The following TYR variants were observed in gnomAD, a reference collection of about 807,000 sequenced individuals.
TYR encodes LB24-AB.
In TYR, 58 loss-of-function variants were observed where a neutral mutation model predicts 51.5. The ratio of observed to expected loss-of-function variants is 1.13; its 90% CI spans 0.91 to 1.40. The LOEUF (loss-of-function observed/expected upper bound fraction) is 1.40. Ranked by LOEUF, TYR falls within the 40% of genes most tolerant of loss-of-function variation. The pLI is 0.00. For missense variants in TYR, 732 were observed against 647.4 expected, an observed-to-expected ratio of 1.13 and a Z score of -1.42; for synonymous variants, 263 against 235.2, an observed-to-expected ratio of 1.12 and a Z score of -1.08.
intron 3 of TYR, among the ~76,000 whole-genome samples, chr11:89,281,160 G>T (rs1208716894): frequency 6.6e-6 from 1 of 151,602 alleles, no homozygotes; most frequent in African/African-American, 2.4e-5. Context: ...CCTGGTTGCA[G>T]TATTTCTATT....
chr11:89,205,840 A>G (rs12280693), intron 2 of TYR, among the ~76,000 whole-genome samples: 76,275 of 151,998 alleles, frequency 0.5, 21,845 homozygotes, highest in African/African-American at 0.8. Flanking sequence ...CTAAATTGTG[A>G]TTTAATGGTT....
intron 3 of TYR, among the ~76,000 whole-genome samples, chr11:89,270,068 G>T (rs950578493): frequency 6.6e-6 from 1 of 151,876 alleles, no homozygotes; most frequent in African/African-American, 2.4e-5. Flanking sequence ...GCTCCTCACA[G>T]CTTTTAAACT....
intron 2 of TYR, among the ~76,000 whole-genome samples, chr11:89,219,582 C>T (rs565315240): frequency 6.6e-6 from 1 of 152,196 alleles, no homozygotes; most frequent in East Asian, 1.9e-4. Flanking sequence ...ACCCACTGTG[C>T]CCGGCCTGAT....
chr11:89,181,892 G>A (rs576978301), intron 1 of TYR, among the ~76,000 whole-genome samples: 3 of 152,256 alleles, frequency 2.0e-5, no homozygotes, highest in African/African-American at 7.2e-5. Context: ...GCTAATTTCT[G>A]GGTGTATAAT....
intron 2 of TYR, among the ~76,000 whole-genome samples, chr11:89,210,073 C>G (rs1167198771): frequency 1.3e-5 from 2 of 152,156 alleles, no homozygotes; most frequent in Non-Finnish European, 2.9e-5. Flanking sequence ...TCCAAAGGAA[C>G]ACAGCTCCTC....
chr11:89,267,447 G>A (rs181058308), intron 3 of TYR, among the ~76,000 whole-genome samples: 191 of 152,052 alleles, frequency 1.3e-3, no homozygotes, highest in African/African-American at 4.4e-3. Context: ...AATTCCTTAA[G>A]GGAAGGACTC....
chr11:89,262,176 G>C (rs543139705), intron 3 of TYR, among the ~76,000 whole-genome samples: 1 of 151,536 alleles, frequency 6.6e-6, no homozygotes, highest in Non-Finnish European at 1.5e-5. Flanking sequence ...CTCCTGCCTC[G>C]GCCTCCTGAG....
chr11:89,259,178 G>T (rs1944428955), intron 3 of TYR, among the ~76,000 whole-genome samples: 1 of 151,996 alleles, frequency 6.6e-6, no homozygotes, highest in South Asian at 2.1e-4. Context: ...CGTAACCACA[G>T]ATGCGCTAAA....
chr11:89,243,161 G>A (rs1314871037), intron 3 of TYR, among the ~76,000 whole-genome samples: 4 of 152,192 alleles, frequency 2.6e-5, no homozygotes, highest in Non-Finnish European at 5.9e-5. Flanking sequence ...GGAATACAGT[G>A]CTTTATTGGG....
intron 1 of TYR, among the ~76,000 whole-genome samples, chr11:89,179,815 A>G (rs1315512327): frequency 6.6e-6 from 1 of 152,214 alleles, no homozygotes; most frequent in Non-Finnish European, 1.5e-5. Context: ...AATGGTAACC[A>G]AAGAAATATG....
intron 2 of TYR, among the ~76,000 whole-genome samples, chr11:89,198,754 C>T (rs1471738352): frequency 6.8e-6 from 1 of 146,360 alleles, no homozygotes; most frequent in East Asian, 1.9e-4. Context: ...ACTTTTTTCT[C>T]ATATATATAT....
intron 3 of TYR, among the ~76,000 whole-genome samples, chr11:89,255,720 C>A (rs1208047575): frequency 6.6e-6 from 1 of 151,488 alleles, no homozygotes; most frequent in African/African-American, 2.4e-5. Context: ...TACTTCTTAT[C>A]CTTTTGATAT....
chr11:89,287,402 T>C (rs1395421222), intron 4 of TYR, among the ~76,000 whole-genome samples: 1 of 151,994 alleles, frequency 6.6e-6, no homozygotes, highest in Non-Finnish European at 1.5e-5. Flanking sequence ...GTGTCTGTAC[T>C]GAGTTGTTTA....
rs538756722 is a variant in TYR, at chr11:89,224,678, CT to C, written c.1037-3144del. 2.4e-3 allele frequency among the ~76,000 whole-genome samples: 363 copies of C among 152,296 alleles called. 2 individuals carry two copies. The highest frequency in any genetic ancestry group is 8.2e-3 in the African/African-American group (343 of 41,580). ...CCCTTCTCTGATGTTTCAGAAGAGCCTATCTTCCACCTATCCTGAATTCATT... is the reference window on the plus strand; with the variant it reads ...CCCTTCTCTGATGTTTCAGAAGAGCCATCTTCCACCTATCCTGAATTCATT... On this transcript the variant is annotated intron_variant, in intron 2 of 4. Transcript: ENST00000263321.
chr11:89,293,336 TACACACACAC>T (rs59899373), intron 4 of TYR, among the ~76,000 whole-genome samples: 76 of 147,722 alleles, frequency 5.1e-4, no homozygotes, highest in Admixed American at 1.2e-3. Context: ...ATTTTATGCA[TACACACACAC>T]ACACACACAC....
At chr11:89,265,853 C>T (rs1944520260) in intron 3 of TYR, among the ~76,000 whole-genome samples, 1 of 151,840 alleles carries the variant, frequency 6.6e-6, no homozygotes, top group Non-Finnish European at 1.5e-5. Flanking sequence ...TTAAGACATA[C>T]TTTAGTTTGT....
chr11:89,274,411 C>T (rs12421030), intron 3 of TYR, among the ~76,000 whole-genome samples: 31,457 of 151,638 alleles, frequency 0.21, 5,538 homozygotes, highest in African/African-American at 0.48. Context: ...ATAGCAAATA[C>T]TTAAAATGTC....
At chr11:89,194,753 C>T (rs1943493320) in intron 2 of TYR, among the ~76,000 whole-genome samples, 1 of 151,870 alleles carries the variant, frequency 6.6e-6, no homozygotes. Flanking sequence ...CATTGATGTG[C>T]TTAATTATCT....
chr11:89,241,360 T>C (rs1428366507), intron 3 of TYR, among the ~76,000 whole-genome samples: 1 of 152,208 alleles, frequency 6.6e-6, no homozygotes, highest in Non-Finnish European at 1.5e-5. Context: ...TCTGCTTACT[T>C]GCCTGTTTTC....
Sources: gnomAD v4.1 joint callset for allele counts (sites outside exome capture counted in the v4.1 genomes callset) on GRCh38, gnomAD v4.1.1 for gene constraint, MANE v1.5 for transcripts, NCBI Gene and HGNC (gene_info 2026-07-23, HGNC 2026-07-21) for gene names.